CSMD1: variants seen among roughly 807,000 people sequenced by gnomAD.
The protein encoded by CSMD1 is CUB and Sushi multiple domains 1.
In CSMD1, 213 loss-of-function variants were observed where a neutral mutation model predicts 417.5. That is an observed-to-expected ratio of 0.51 (90% CI 0.46 to 0.57). The LOEUF (loss-of-function observed/expected upper bound fraction) is 0.57, where lower values mean the gene tolerates loss of function less well. CSMD1 is among the 20% of genes least tolerant of loss of function. The probability of loss-of-function intolerance (pLI) is 0.00; values close to 1 mark genes in which losing one functional copy is unlikely to be tolerated. For missense variants in CSMD1, 6,923 were observed against 4,529.7 expected, an observed-to-expected ratio of 1.53 and a Z score of -15.17; for synonymous variants, 2,862 against 1,736.8, an observed-to-expected ratio of 1.65 and a Z score of -16.11.
At chr8:4,333,532 A>C (rs1388221884) in intron 3 of CSMD1, among the ~76,000 whole-genome samples, 2 of 152,196 alleles carry the variant, frequency 1.3e-5, no homozygotes, top group African/African-American at 2.4e-5. Context: ...GTGCTTAAAC[A>C]GTGAAATCAT....
chr8:3,819,863 G>T (rs569189196), intron 5 of CSMD1, among the ~76,000 whole-genome samples: 1 of 152,068 alleles, frequency 6.6e-6, no homozygotes, highest in African/African-American at 2.4e-5. Flanking sequence ...ATTTTGCAAG[G>T]GGTAAACTAA....
intron 3 of CSMD1, among the ~76,000 whole-genome samples, chr8:4,155,235 T>C (rs1372481153): frequency 1.3e-5 from 2 of 152,066 alleles, no homozygotes; most frequent in Non-Finnish European, 2.9e-5. Flanking sequence ...GTCACGCAAA[T>C]GTTGAAAAGG....
intron 3 of CSMD1, among the ~76,000 whole-genome samples, chr8:4,163,734 C>T (rs1797296006): frequency 6.6e-6 from 1 of 152,090 alleles, no homozygotes; most frequent in Non-Finnish European, 1.5e-5. Context: ...CTTGATTAAT[C>T]AGTAGCACTA....
At chr8:3,136,568 C>T (rs1009325043) in intron 41 of CSMD1, among the ~76,000 whole-genome samples, 23 of 152,100 alleles carry the variant, frequency 1.5e-4, no homozygotes, top group African/African-American at 5.5e-4. Context: ...ACCGGCTCAT[C>T]CCTTTCGGAT....
intron 18 of CSMD1, among the ~76,000 whole-genome samples, chr8:3,375,805 C>A (rs935210084): frequency 2.6e-5 from 4 of 152,136 alleles, no homozygotes; most frequent in Admixed American, 6.6e-5. Context: ...GACCAGCACT[C>A]GAGGCATTTG....
intron 25 of CSMD1, among the ~76,000 whole-genome samples, chr8:3,295,642 G>C (rs1464632143): frequency 1.3e-5 from 2 of 152,156 alleles, no homozygotes; most frequent in Admixed American, 6.5e-5. Context: ...AAGCAGATTT[G>C]CTAACTCGCT....
intron 5 of CSMD1, among the ~76,000 whole-genome samples, chr8:3,917,282 C>G (rs1171567831): frequency 1.3e-5 from 2 of 152,052 alleles, no homozygotes; most frequent in African/African-American, 4.8e-5. Flanking sequence ...ACTGAAGTTC[C>G]TGAAATTAGG....
intron 4 of CSMD1, among the ~76,000 whole-genome samples, chr8:4,008,811 T>C (rs1320434831): frequency 3.3e-5 from 5 of 151,784 alleles, no homozygotes; most frequent in South Asian, 2.1e-4. Flanking sequence ...GGGATTTCAA[T>C]GTGTTAGCCA....
At chr8:3,960,430 G>C (rs1277945889) in intron 5 of CSMD1, among the ~76,000 whole-genome samples, 1 of 152,104 alleles carries the variant, frequency 6.6e-6, no homozygotes, top group South Asian at 2.1e-4. Flanking sequence ...GTCCCTCAAT[G>C]CTAGTGAGAA....
At chr8:3,388,820 T>A (rs993041781) in intron 17 of CSMD1, among the ~76,000 whole-genome samples, 6 of 152,082 alleles carry the variant, frequency 3.9e-5, no homozygotes, top group African/African-American at 1.2e-4. Flanking sequence ...GCAACGTGGA[T>A]ATCATTTGGC....
chr8:4,673,684 T>C (rs1805494261), intron 1 of CSMD1, among the ~76,000 whole-genome samples: 1 of 152,112 alleles, frequency 6.6e-6, no homozygotes, highest in African/African-American at 2.4e-5. Flanking sequence ...TTCCTCAACA[T>C]TTTCCCCCAA....
intron 23 of CSMD1, among the ~76,000 whole-genome samples, chr8:3,322,423 G>A (rs1806209817): frequency 6.6e-6 from 1 of 152,146 alleles, no homozygotes; most frequent in Non-Finnish European, 1.5e-5. Flanking sequence ...TAAGAGCACA[G>A]ATAAAGAATT....
At chr8:3,747,404 T>C (rs146772341) in intron 6 of CSMD1, among the ~76,000 whole-genome samples, 49 of 149,026 alleles carry the variant, frequency 3.3e-4, no homozygotes, top group Admixed American at 7.5e-4. Flanking sequence ...AGAAATATTA[T>C]GTAGACACAG....
At chr8:4,289,771 G>T (rs78237092) in intron 3 of CSMD1, among the ~76,000 whole-genome samples, 1 of 152,196 alleles carries the variant, frequency 6.6e-6, no homozygotes, top group African/African-American at 2.4e-5. Context: ...CGTACTGGAA[G>T]CACCATAGTT....
intron 5 of CSMD1, among the ~76,000 whole-genome samples, chr8:3,786,543 T>C (rs1330854842): frequency 1.3e-5 from 2 of 152,122 alleles, no homozygotes; most frequent in Admixed American, 6.6e-5. Context: ...TCCCGAGTAA[T>C]CATGCAGACT....
At chr8:3,330,988 C>T (rs1013613476) in intron 23 of CSMD1, among the ~76,000 whole-genome samples, 4 of 152,132 alleles carry the variant, frequency 2.6e-5, no homozygotes, top group Non-Finnish European at 4.4e-5. Context: ...CGGTGGCTCA[C>T]GCCTGTAATC....
At chr8:4,584,127 G>A (rs1036896236) in intron 2 of CSMD1, among the ~76,000 whole-genome samples, 5 of 152,038 alleles carry the variant, frequency 3.3e-5, no homozygotes, top group Non-Finnish European at 7.4e-5. Context: ...ACATCCGAAC[G>A]TCAGAAGGAA....
chr8:3,439,912 A>G (rs920895680), intron 12 of CSMD1, among the ~76,000 whole-genome samples: 6 of 152,190 alleles, frequency 3.9e-5, no homozygotes. Context: ...TGAAAAGACT[A>G]TTCTTCCTCC....
intron 16 of CSMD1, among the ~76,000 whole-genome samples, chr8:3,398,352 C>T (rs545862589): frequency 1.1e-4 from 16 of 152,192 alleles, no homozygotes; most frequent in African/African-American, 3.9e-4. Flanking sequence ...GATTTATAAA[C>T]AACTTTTTTC....
Sources: allele counts gnomAD v4.1 joint callset (sites outside exome capture counted in the v4.1 genomes callset), GRCh38; gene constraint gnomAD v4.1.1; transcripts MANE v1.5; gene names NCBI Gene and HGNC (gene_info 2026-07-23, HGNC 2026-07-21).